RIMS2: variants seen among roughly 807,000 people sequenced by gnomAD.
RIMS2 encodes the protein regulating synaptic membrane exocytosis protein 2.
In RIMS2, 59 loss-of-function variants were observed where a neutral mutation model predicts 174.4. That is an observed-to-expected ratio of 0.34 (90% CI 0.27 to 0.42). The LOEUF (loss-of-function observed/expected upper bound fraction) is 0.42, where lower values mean the gene tolerates loss of function less well. Ranked by LOEUF, RIMS2 falls within the 10% of genes least tolerant of loss-of-function variation. The pLI is 1.00. For synonymous variants in RIMS2, 606 were observed against 572.5 expected (o/e 1.06, Z -0.84); for missense variants, 1,620 against 1,666.3 (o/e 0.97, Z 0.48).
intron 16 of RIMS2, among the ~76,000 whole-genome samples, chr8:103,985,520 T>C (rs910500649): frequency 2.7e-5 from 4 of 149,964 alleles, no homozygotes; most frequent in Admixed American, 6.7e-5. Flanking sequence ...AATTGGATTC[T>C]GTGTAACACA....
chr8:104,109,868 T>A (rs1287052884), intron 19 of RIMS2, among the ~76,000 whole-genome samples: 1 of 152,208 alleles, frequency 6.6e-6, no homozygotes, highest in Non-Finnish European at 1.5e-5. Context: ...TGACCTTTAG[T>A]GGTTATGGAA....
rs542511548 is a variant in RIMS2, at chr8:103,759,482, G to A, written c.388-6745G>A. 4.2e-3 allele frequency among the ~76,000 whole-genome samples: 632 copies of A among 150,306 alleles called. 2 individuals are homozygous for A. Among genetic ancestry groups the A allele is most frequent in the Non-Finnish European group, 6.7e-3 (456 of 67,674 alleles). ...CGGGAGGCTGAGGCAGGAGAATGGC[G>A]TGAACCTGGGAGGCGGAGCTTGCAG... On this transcript the variant is annotated intron_variant, in intron 2 of 23. Coordinates refer to ENST00000504942, the Ensembl canonical transcript of RIMS2.
At chr8:104,137,469 T>C (rs1438907233) in intron 19 of RIMS2, among the ~76,000 whole-genome samples, 1 of 152,172 alleles carries the variant, frequency 6.6e-6, no homozygotes, top group African/African-American at 2.4e-5. Flanking sequence ...AAACTTACCA[T>C]GTGGCAAACA....
intron 19 of RIMS2, among the ~76,000 whole-genome samples, chr8:104,145,490 AAC>A (rs913384186): frequency 5.3e-5 from 8 of 150,478 alleles, no homozygotes; most frequent in Non-Finnish European, 1.2e-4. Flanking sequence ...CAAAACTTTA[AAC>A]ACTTTTTCAA....
At chr8:103,869,382 A>G (rs2099099422) in intron 3 of RIMS2, among the ~76,000 whole-genome samples, 1 of 150,468 alleles carries the variant, frequency 6.6e-6, no homozygotes, top group Non-Finnish European at 1.5e-5. Context: ...TTTTAGTAAG[A>G]GACGGGGTTT....
At chr8:103,746,020 G>T (rs967662557) in intron 2 of RIMS2, among the ~76,000 whole-genome samples, 1 of 152,032 alleles carries the variant, frequency 6.6e-6, no homozygotes, top group Non-Finnish European at 1.5e-5. Context: ...AGAAACAGTT[G>T]CCTAAACCAA....
At chr8:104,236,348 T>C (rs997390383) in intron 19 of RIMS2, among the ~76,000 whole-genome samples, 1 of 152,062 alleles carries the variant, frequency 6.6e-6, no homozygotes, top group African/African-American at 2.4e-5. Flanking sequence ...ATGAATATTC[T>C]GTTCTCTAAA....
At chr8:103,933,021 G>C (rs982063204) in intron 12 of RIMS2, among the ~76,000 whole-genome samples, 5 of 152,004 alleles carry the variant, frequency 3.3e-5, no homozygotes. Flanking sequence ...GGCCAGGCGC[G>C]GTGGCTCATG....
chr8:104,126,798 T>C lies in RIMS2; in HGVS notation c.3334+112183T>C, dbSNP rs552676333. Among the ~76,000 whole-genome samples, 6 of 152,300 alleles carry C rather than the reference T, an allele frequency of 3.9e-5. No individual in the cohort carries two copies. In the South Asian group the frequency reaches 6.2e-4, roughly 16 times the overall value. On this transcript the variant is annotated intron_variant, in intron 19 of 23. Transcript: ENST00000504942. Reference sequence around the variant, plus strand: ...AGCACATTGATGGCATTAGTAAAAATTATTTTTTAAAAAGGCAAGAAATAA... The same window carrying C: ...AGCACATTGATGGCATTAGTAAAAACTATTTTTTAAAAAGGCAAGAAATAA...
intron 19 of RIMS2, among the ~76,000 whole-genome samples, chr8:104,067,246 T>G: frequency 6.6e-6 from 1 of 152,202 alleles, no homozygotes; most frequent in Non-Finnish European, 1.5e-5. Flanking sequence ...AAACACACTG[T>G]GTGAATTTAC....
chr8:104,110,226 A>G (rs2098154915), intron 19 of RIMS2, among the ~76,000 whole-genome samples: 1 of 152,166 alleles, frequency 6.6e-6, no homozygotes, highest in East Asian at 1.9e-4. Flanking sequence ...CATAAGTGTC[A>G]AAGTAGTGAT....
At chr8:103,670,263 G>A (rs921019544) in intron 1 of RIMS2, among the ~76,000 whole-genome samples, 1 of 152,228 alleles carries the variant, frequency 6.6e-6, no homozygotes, top group African/African-American at 2.4e-5. Flanking sequence ...CGCAGCAGGG[G>A]GACCCTGGGC....
At chr8:103,578,503 C>T (rs1395352079) in intron 1 of RIMS2, among the ~76,000 whole-genome samples, 1 of 151,986 alleles carries the variant, frequency 6.6e-6, no homozygotes, top group Non-Finnish European at 1.5e-5. Flanking sequence ...TGCACTCCAG[C>T]CTGGGTGACA....
intron 3 of RIMS2, among the ~76,000 whole-genome samples, chr8:103,839,581 C>G (rs1457448801): frequency 1.3e-5 from 2 of 152,126 alleles, no homozygotes; most frequent in African/African-American, 4.8e-5. Context: ...CTTGCTTGAT[C>G]AGAGAGTTTT....
chr8:103,534,997 G>T (rs1045237757), intron 1 of RIMS2, among the ~76,000 whole-genome samples: 6 of 152,182 alleles, frequency 3.9e-5, no homozygotes, highest in Non-Finnish European at 8.8e-5. Context: ...ATGAACAAGA[G>T]AAATTTATTT....
chr8:103,825,160 G>A (rs2098780931), intron 3 of RIMS2, among the ~76,000 whole-genome samples: 1 of 152,100 alleles, frequency 6.6e-6, no homozygotes, highest in Non-Finnish European at 1.5e-5. Context: ...ACCAACTGTT[G>A]TACTGCTTCC....
At chr8:103,704,078 G>T (rs1252752799) in intron 2 of RIMS2, among the ~76,000 whole-genome samples, 2 of 151,422 alleles carry the variant, frequency 1.3e-5, no homozygotes, top group Non-Finnish European at 2.9e-5. Flanking sequence ...TTAGAGGAAA[G>T]ACTTTTAATT....
chr8:103,951,003 T>C (rs2154543251), intron 14 of RIMS2, among the ~76,000 whole-genome samples: 1 of 152,258 alleles, frequency 6.6e-6, no homozygotes, highest in South Asian at 2.1e-4. Flanking sequence ...CAGTGCCACA[T>C]CAAAAAGTCA....
chr8:103,774,242 G>A (rs1300638062), intron 3 of RIMS2, among the ~76,000 whole-genome samples: 1 of 152,068 alleles, frequency 6.6e-6, no homozygotes, highest in Admixed American at 6.6e-5. Context: ...TAATAAACTG[G>A]TCTAAACATT....
Sources: gnomAD v4.1 joint callset for allele counts (sites outside exome capture counted in the v4.1 genomes callset) on GRCh38, gnomAD v4.1.1 for gene constraint, MANE v1.5 for transcripts, NCBI Gene and HGNC (gene_info 2026-07-23, HGNC 2026-07-21) for gene names.